Variants in DAB1 observed in about 807,000 individuals in gnomAD.
DAB1 encodes DAB adaptor protein 1, also known as disabled homolog 1.
Under a neutral mutation model 64.6 loss-of-function variants are expected in DAB1, and 15 were observed. The observed-to-expected ratio is 0.23, with a 90% confidence interval of 0.16 to 0.36. DAB1 has a LOEUF of 0.36. DAB1 is among the 10% of genes least tolerant of loss of function. The pLI, the probability that DAB1 is intolerant of heterozygous loss-of-function variation, is 1.00. For missense variants in DAB1, 596 were observed against 706.7 expected (o/e 0.84, Z 1.78); for synonymous variants, 235 against 251.9 (o/e 0.93, Z 0.64).
intron 6 of DAB1, among the ~76,000 whole-genome samples, chr1:57,795,817 T>C (rs971310987): frequency 6.7e-6 from 1 of 149,588 alleles, no homozygotes; most frequent in African/African-American, 2.5e-5. Context: ...TCCAATCCTT[T>C]CAATCACTTA....
At chr1:57,223,214 A>G (rs189868924) in intron 2 of DAB1, among the ~76,000 whole-genome samples, 13 of 152,332 alleles carry the variant, frequency 8.5e-5, no homozygotes, top group Admixed American at 7.8e-4. Context: ...TTGTTAGAAA[A>G]CCAGGAGAGG....
At chr1:57,491,527 C>T (rs1053107064) in intron 7 of DAB1, among the ~76,000 whole-genome samples, 1 of 152,016 alleles carries the variant, frequency 6.6e-6, no homozygotes, top group South Asian at 2.1e-4. Context: ...ATATAATAAA[C>T]GTGCCCAATA....
chr1:57,300,502 A>G (rs1673555225), intron 1 of DAB1, among the ~76,000 whole-genome samples: 2 of 152,328 alleles, frequency 1.3e-5, no homozygotes, highest in Non-Finnish European at 2.9e-5. Context: ...TAGTCACCTT[A>G]AGAAGAAAAG....
At chr1:57,588,082 G>A (rs573993074) in intron 7 of DAB1, among the ~76,000 whole-genome samples, 2 of 152,296 alleles carry the variant, frequency 1.3e-5, no homozygotes, top group East Asian at 1.9e-4. Flanking sequence ...CAAAGTTTGG[G>A]TGAGATCTTT....
chr1:57,020,115 A>G (rs1239840238), intron 11 of DAB1, among the ~76,000 whole-genome samples: 5 of 152,310 alleles, frequency 3.3e-5, no homozygotes. Flanking sequence ...TCACCAAAAA[A>G]AAAAATTCTT....
chr1:57,537,076 T>C (rs1329635984), intron 7 of DAB1, among the ~76,000 whole-genome samples: 3 of 152,264 alleles, frequency 2.0e-5, no homozygotes, highest in Non-Finnish European at 2.9e-5. Flanking sequence ...TTTTTAATTC[T>C]ATGTTGAAAT....
At chr1:58,414,119 T>A (rs1183413618) in intron 3 of DAB1, among the ~76,000 whole-genome samples, 1 of 152,196 alleles carries the variant, frequency 6.6e-6, no homozygotes, top group Admixed American at 6.5e-5. Flanking sequence ...ATTATAACCT[T>A]ATGGAACCAC....
intron 4 of DAB1, among the ~76,000 whole-genome samples, chr1:58,241,238 C>A (rs1051417247): frequency 1.3e-5 from 2 of 152,084 alleles, no homozygotes; most frequent in Admixed American, 6.6e-5. Context: ...CATCTTGAAA[C>A]TTTTTTTATT....
chr1:57,650,443 G>T (rs1166086912), intron 6 of DAB1, among the ~76,000 whole-genome samples: 1 of 132,750 alleles, frequency 7.5e-6, no homozygotes, highest in Non-Finnish European at 1.6e-5. Flanking sequence ...ATTTGTAAGA[G>T]GGAAACACCA....
intron 4 of DAB1, among the ~76,000 whole-genome samples, chr1:57,111,375 GA>G (rs2100724279): frequency 6.6e-6 from 1 of 152,244 alleles, no homozygotes; most frequent in African/African-American, 2.4e-5. Flanking sequence ...ACTGTTTTCA[GA>G]TCTGTCATGA....
At chr1:58,091,173 C>T (rs983841731) in intron 5 of DAB1, among the ~76,000 whole-genome samples, 5 of 152,162 alleles carry the variant, frequency 3.3e-5, no homozygotes, top group Non-Finnish European at 7.3e-5. Flanking sequence ...TTGTTCTGAG[C>T]CCCTCTTTCC....
intron 5 of DAB1, among the ~76,000 whole-genome samples, chr1:57,923,834 T>C (rs2102026756): frequency 6.6e-6 from 1 of 152,336 alleles, no homozygotes; most frequent in African/African-American, 2.4e-5. Flanking sequence ...TGAAATATAA[T>C]ATTAGTAGAA....
chr1:57,325,922 A>C (rs1216978802), intron 1 of DAB1, among the ~76,000 whole-genome samples: 1 of 152,146 alleles, frequency 6.6e-6, no homozygotes, highest in Non-Finnish European at 1.5e-5. Context: ...TTTCTCTCTG[A>C]ATCTTGGTTT....
intron 5 of DAB1, among the ~76,000 whole-genome samples, chr1:57,898,145 T>C (rs1324282168): frequency 1.3e-5 from 2 of 152,198 alleles, no homozygotes; most frequent in African/African-American, 4.8e-5. Context: ...GAGAGTACCT[T>C]TGGACTCTAA....
At chr1:57,520,230 T>A (rs1644509199) in intron 7 of DAB1, among the ~76,000 whole-genome samples, 1 of 152,224 alleles carries the variant, frequency 6.6e-6, no homozygotes, top group Non-Finnish European at 1.5e-5. Context: ...TTTTCTTTTT[T>A]ATTTCCTTTC....
chr1:57,269,058 G>T (rs1014589213), intron 2 of DAB1, among the ~76,000 whole-genome samples: 3 of 152,024 alleles, frequency 2.0e-5, no homozygotes, highest in African/African-American at 7.2e-5. Context: ...ATCGAGAGAG[G>T]GCAGCCACCT....
intron 2 of DAB1, among the ~76,000 whole-genome samples, chr1:57,271,498 G>A (rs767880956): frequency 3.3e-5 from 5 of 152,154 alleles, no homozygotes; most frequent in African/African-American, 7.2e-5. Context: ...ACTGAACACC[G>A]ACTTTGCGAC....
chr1:58,056,265 A>G (rs534051762), intron 5 of DAB1: 1 of 1,328,978 alleles, frequency 7.5e-7, no homozygotes, highest in Non-Finnish European at 1.1e-6. Context: ...TCACACAGTA[A>G]TGTAGCTTCA....
intron 1 of DAB1, among the ~76,000 whole-genome samples, chr1:57,411,267 G>C (rs1684087356): frequency 6.6e-6 from 1 of 152,192 alleles, no homozygotes; most frequent in African/African-American, 2.4e-5. Context: ...GAAATGGAAA[G>C]AGCACTGGTT....
Sources: gnomAD v4.1 joint callset for allele counts (sites outside exome capture counted in the v4.1 genomes callset) on GRCh38, gnomAD v4.1.1 for gene constraint, MANE v1.5 for transcripts, NCBI Gene and HGNC (gene_info 2026-07-23, HGNC 2026-07-21) for gene names.